Variants in APP observed in about 807,000 individuals in gnomAD.
The protein encoded by APP is amyloid-beta precursor protein.
In APP, 31 loss-of-function variants were observed where a neutral mutation model predicts 101.4. The ratio of observed to expected loss-of-function variants is 0.31; its 90% CI spans 0.23 to 0.41. The LOEUF (loss-of-function observed/expected upper bound fraction) is 0.41. Among genes scored for constraint, APP ranks in the 10% least tolerant of loss-of-function variants. APP has a pLI of 1.00. For synonymous variants in APP, 366 were observed against 364.4 expected (o/e 1.00, Z -0.05); for missense variants, 839 against 1,003.7 (o/e 0.84, Z 2.22).
At chr21:25,910,682 T>TA (rs1369276323) in intron 14 of APP, among the ~76,000 whole-genome samples, 2 of 152,226 alleles carry the variant, frequency 1.3e-5, no homozygotes, top group Admixed American at 6.5e-5. Flanking sequence ...AATTTGTTGA[T>TA]AGAGAAGAAT....
chr21:25,970,113 A>C (rs1038666648), intron 11 of APP, among the ~76,000 whole-genome samples: 1 of 152,104 alleles, frequency 6.6e-6, no homozygotes, highest in African/African-American at 2.4e-5. Context: ...TTTGACAGTA[A>C]AATATTTCTT....
intron 2 of APP, among the ~76,000 whole-genome samples, chr21:26,106,501 A>G (rs986697653): frequency 2.0e-5 from 3 of 152,140 alleles, no homozygotes; most frequent in Non-Finnish European, 4.4e-5. Context: ...GCAATCACAT[A>G]TCCACTGGAT....
intron 2 of APP, among the ~76,000 whole-genome samples, chr21:26,092,863 A>C (rs2146123214): frequency 6.6e-6 from 1 of 152,318 alleles, no homozygotes; most frequent in East Asian, 1.9e-4. Flanking sequence ...TCTATTTTAA[A>C]AACAAAAATT....
chr21:26,118,109 A>C (rs1231749423), intron 1 of APP, among the ~76,000 whole-genome samples: 3 of 152,192 alleles, frequency 2.0e-5, no homozygotes, highest in Non-Finnish European at 4.4e-5. Flanking sequence ...AGTTGACCCA[A>C]AACTCCTACC....
chr21:25,928,351 A>AAACAAACG (rs1165598982), intron 13 of APP, among the ~76,000 whole-genome samples: 1 of 151,662 alleles, frequency 6.6e-6, no homozygotes, highest in Non-Finnish European at 1.5e-5. Context: ...CAAAACAAAC[A>AAACAAACG]AACAAACAAA....
At chr21:25,998,999 A>G (rs2043166007) in intron 7 of APP, among the ~76,000 whole-genome samples, 2 of 152,186 alleles carry the variant, frequency 1.3e-5, no homozygotes, top group South Asian at 4.1e-4. Context: ...GACTTTGAAA[A>G]TTATGTTCTG....
At chr21:26,037,520 CG>C (rs1304968315) in intron 5 of APP, among the ~76,000 whole-genome samples, 1 of 152,046 alleles carries the variant, frequency 6.6e-6, no homozygotes, top group East Asian at 1.9e-4. Flanking sequence ...TTTTAATGAA[CG>C]GTCTATGCTT....
rs1555896414 is a variant in APP, at chr21:25,924,430, A to AAG, written c.1688-12469_1688-12468insCT. On this transcript the variant is annotated intron_variant, in intron 13 of 17. Transcript: ENST00000346798. ...CAAATACAAAAAAAAAAAAAAAAGG[A>AAG]AAAAAAAAAAGGTTGAGTTCATGTC... is the stretch of plus-strand genomic sequence containing the variant. Among the ~76,000 whole-genome samples, 164 of 84,658 alleles carry AAG rather than the reference A, an allele frequency of 1.9e-3. 4 individuals are homozygous for AAG. The highest frequency in any genetic ancestry group is 7.3e-3 in the African/African-American group (158 of 21,712). The allele number at this position is 84,658 out of a possible 152,430, so 55.5% of individuals were successfully genotyped here.
intron 13 of APP, among the ~76,000 whole-genome samples, chr21:25,921,578 T>C (rs796972058): frequency 4.8e-5 from 7 of 145,336 alleles, no homozygotes; most frequent in Non-Finnish European, 9.1e-5. Flanking sequence ...CAAACTACCA[T>C]CAGAGAATAC....
intron 16 of APP, among the ~76,000 whole-genome samples, chr21:25,896,414 ACACT>A (rs1157901445): frequency 2.8e-5 from 4 of 141,874 alleles, no homozygotes; most frequent in Non-Finnish European, 4.8e-5. Flanking sequence ...GAAAAAAGTA[ACACT>A]CACACACACA....
At position 26,053,481 on chromosome 21, in the gene APP, C is replaced by T. The variant is rs1029134467; in HGVS notation, c.356-133G>A. 1.5e-5 allele frequency: 10 copies of T among 689,202 alleles called. No individual in the cohort carries two copies. In the African/African-American group the frequency reaches 1.8e-4, roughly 12 times the overall value. 42.7% of individuals were successfully genotyped at this position (689,202 alleles called of 1,614,324 possible). A position where few individuals can be genotyped will look rare whatever the true frequency, so the allele number is the denominator to read the frequency against. The stretch of plus-strand genomic sequence containing the variant: ...AATGCCTAAGCAACCCAATCAAGAC[C>T]CTACTACCTTTAGAATGTTACGTCT... On this transcript the variant is annotated intron_variant, in intron 3 of 17. Transcript: ENST00000346798.
chr21:26,107,361 T>C (rs2062206535), intron 2 of APP, among the ~76,000 whole-genome samples: 1 of 152,236 alleles, frequency 6.6e-6, no homozygotes, highest in Admixed American at 6.5e-5. Flanking sequence ...TGAACCATTT[T>C]TCACATCTTA....
At chr21:25,891,470 A>G (rs1211769413) in intron 17 of APP, among the ~76,000 whole-genome samples, 1 of 152,158 alleles carries the variant, frequency 6.6e-6, no homozygotes, top group East Asian at 1.9e-4. Context: ...CATTTGTATT[A>G]TTTTGATAAC....
chr21:26,140,725 T>A (rs1465859048), intron 1 of APP, among the ~76,000 whole-genome samples: 2 of 152,236 alleles, frequency 1.3e-5, no homozygotes, highest in African/African-American at 4.8e-5. Flanking sequence ...TCTGCTTTTT[T>A]AACAAAAGCT....
intron 8 of APP, among the ~76,000 whole-genome samples, chr21:25,990,430 A>G (rs2042814271): frequency 7.4e-6 from 1 of 136,004 alleles, no homozygotes; most frequent in African/African-American, 3.3e-5. Flanking sequence ...TCTAAAAAAT[A>G]TATGTGAAGC....
At chr21:26,134,979 T>A (rs1296666674) in intron 1 of APP, among the ~76,000 whole-genome samples, 3 of 152,218 alleles carry the variant, frequency 2.0e-5, no homozygotes, top group African/African-American at 7.2e-5. Flanking sequence ...AAAAATAAAC[T>A]TCTCACCACT....
At chr21:26,046,737 C>T (rs527307214) in intron 5 of APP, among the ~76,000 whole-genome samples, 14 of 152,134 alleles carry the variant, frequency 9.2e-5, no homozygotes, top group Non-Finnish European at 2.1e-4. Context: ...GGTCTTCTAA[C>T]ATTTCATTTG....
At chr21:25,960,685 C>A (rs117646607) in intron 11 of APP, among the ~76,000 whole-genome samples, 1 of 152,098 alleles carries the variant, frequency 6.6e-6, no homozygotes, top group African/African-American at 2.4e-5. Context: ...CCTGGGAAAC[C>A]CCTTCACTGT....
intron 3 of APP, among the ~76,000 whole-genome samples, chr21:26,077,241 G>T (rs896399363): frequency 1.3e-5 from 2 of 151,972 alleles, no homozygotes; most frequent in Admixed American, 6.6e-5. Context: ...TGTCTCTTCT[G>T]CAACTTACTC....
Sources: allele counts gnomAD v4.1 joint callset (sites outside exome capture counted in the v4.1 genomes callset), GRCh38; gene constraint gnomAD v4.1.1; transcripts MANE v1.5; gene names NCBI Gene and HGNC (gene_info 2026-07-23, HGNC 2026-07-21).